PRKG1: variants seen among roughly 807,000 people sequenced by gnomAD.
The protein encoded by PRKG1 is cGMP-dependent protein kinase 1.
PRKG1 carries 35 observed loss-of-function variants against 88.1 expected under a neutral mutation model. The observed-to-expected ratio is 0.40, with a 90% CI of 0.30 to 0.53. The LOEUF is 0.53. Ranked by LOEUF, PRKG1 falls within the 20% of genes least tolerant of loss-of-function variation. PRKG1 has a pLI of 0.59. For synonymous variants in PRKG1, 303 were observed against 292.5 expected (o/e 1.04, Z -0.37); for missense variants, 540 against 839.8 (o/e 0.64, Z 4.41).
At chr10:52,128,492 GGATACA>G in intron 7 of PRKG1, 1 of 985,302 alleles carries the variant, frequency 1.0e-6, no homozygotes, top group South Asian at 4.7e-5. Flanking sequence ...CGCCACTTTG[GGATACA>G]GCGATGATGA....
At chr10:51,114,324 ATTTTGTTTTG>A (rs753031426) in intron 1 of PRKG1, among the ~76,000 whole-genome samples, 12 of 152,052 alleles carry the variant, frequency 7.9e-5, no homozygotes, top group African/African-American at 2.2e-4. Flanking sequence ...TCATTGATAT[ATTTTGTTTTG>A]TTTTGTTTTG....
intron 9 of PRKG1, among the ~76,000 whole-genome samples, chr10:52,196,731 C>T (rs1177236595): frequency 6.6e-6 from 1 of 151,964 alleles, no homozygotes; most frequent in African/African-American, 2.4e-5. Context: ...CAGATAGGAT[C>T]TATTAGAAGT....
chr10:51,972,015 T>A (rs1843724409), intron 5 of PRKG1, among the ~76,000 whole-genome samples: 1 of 152,154 alleles, frequency 6.6e-6, no homozygotes, highest in African/African-American at 2.4e-5. Flanking sequence ...CTACAGATTC[T>A]TTCAAAGCTT....
intron 3 of PRKG1, among the ~76,000 whole-genome samples, chr10:51,757,129 G>A (rs190453066): frequency 6.6e-6 from 1 of 151,656 alleles, no homozygotes; most frequent in Non-Finnish European, 1.5e-5. Flanking sequence ...TTGAGACAGG[G>A]TCTTACTCTG....
chr10:51,696,923 A>G (rs1841308541), intron 3 of PRKG1: 2 of 152,232 alleles, frequency 1.3e-5, no homozygotes, highest in African/African-American at 4.8e-5. Flanking sequence ...AGAAATAGGA[A>G]GGTATTGAGA....
intron 1 of PRKG1, among the ~76,000 whole-genome samples, chr10:51,052,709 A>G (rs1318466251): frequency 6.6e-6 from 1 of 152,204 alleles, no homozygotes; most frequent in African/African-American, 2.4e-5. Flanking sequence ...TTATCATTGA[A>G]TGCTTCATCA....
intron 5 of PRKG1, among the ~76,000 whole-genome samples, chr10:51,956,442 A>G (rs897039601): frequency 1.3e-5 from 2 of 152,014 alleles, no homozygotes; most frequent in Non-Finnish European, 2.9e-5. Context: ...ACAATTTGAA[A>G]TAAGAAGCAA....
intron 7 of PRKG1, 34 bp downstream of exon 7, chr10:52,062,665 T>A (rs1846265441): frequency 6.7e-7 from 1 of 1,492,910 alleles, no homozygotes; most frequent in South Asian, 1.2e-5. Flanking sequence ...GGTTTTTGTT[T>A]GAGTGCTACA....
At chr10:51,931,198 C>T (rs756141421) in intron 5 of PRKG1, among the ~76,000 whole-genome samples, 2 of 152,114 alleles carry the variant, frequency 1.3e-5, no homozygotes, top group Non-Finnish European at 2.9e-5. Context: ...AACTAATTGT[C>T]CTGGATTGAA....
At chr10:51,752,118 A>T (rs1220014003) in intron 3 of PRKG1, among the ~76,000 whole-genome samples, 2 of 152,004 alleles carry the variant, frequency 1.3e-5, no homozygotes, top group African/African-American at 2.4e-5. Flanking sequence ...TGCATTTTCC[A>T]TATCATTTGC....
chr10:51,081,356 G>A (rs1844106099), intron 1 of PRKG1, among the ~76,000 whole-genome samples: 1 of 152,200 alleles, frequency 6.6e-6, no homozygotes, highest in Non-Finnish European at 1.5e-5. Flanking sequence ...GTAAATAGGT[G>A]ACAAGACTGG....
rs141603726 is a variant in PRKG1, at chr10:52,245,156, CAT to C, written c.1077-6412_1077-6411del. 1.5e-4 allele frequency among the ~76,000 whole-genome samples: 23 copies of C among 151,748 alleles called. No individual in the cohort carries two copies. In the East Asian group the frequency reaches 4.5e-3, roughly 29 times the overall value. The stretch of plus-strand genomic sequence containing the variant: ...GGCCAGCATTATATTTTGGATATAT[CAT>C]AGACCAGATCTATATATTTTGGGCT... On this transcript the variant is annotated intron_variant, in intron 9 of 17. Transcript: ENST00000373980.
chr10:52,178,797 TG>T (rs1201782003), intron 9 of PRKG1, among the ~76,000 whole-genome samples: 2 of 152,176 alleles, frequency 1.3e-5, no homozygotes, highest in Admixed American at 1.3e-4. Context: ...TTTTGTCTGA[TG>T]TAACTATAGC....
intron 5 of PRKG1, among the ~76,000 whole-genome samples, chr10:51,982,926 G>A (rs561590789): frequency 6.6e-6 from 1 of 152,276 alleles, no homozygotes; most frequent in East Asian, 1.9e-4. Context: ...TGGCTCAAGG[G>A]GGAGGGCAGG....
chr10:51,575,662 T>C (rs1409378323), intron 3 of PRKG1, among the ~76,000 whole-genome samples: 1 of 151,932 alleles, frequency 6.6e-6, no homozygotes, highest in Non-Finnish European at 1.5e-5. Context: ...TAAGTTTATA[T>C]ACATGTGTAT....
chr10:52,031,934 G>GA (rs1421074479), intron 5 of PRKG1, among the ~76,000 whole-genome samples: 1 of 152,128 alleles, frequency 6.6e-6, no homozygotes, highest in African/African-American at 2.4e-5. Flanking sequence ...GCCCACAAGG[G>GA]AAAAGGCATC....
At chr10:51,324,006 A>T (rs899238889) in intron 2 of PRKG1, among the ~76,000 whole-genome samples, 1 of 152,212 alleles carries the variant, frequency 6.6e-6, no homozygotes, top group African/African-American at 2.4e-5. Context: ...TTTGGGATGC[A>T]TGTGATACTT....
chr10:51,970,972 T>C (rs575234759), intron 5 of PRKG1, among the ~76,000 whole-genome samples: 92 of 151,690 alleles, frequency 6.1e-4, no homozygotes, highest in African/African-American at 2.1e-3. Flanking sequence ...ACTACTAGAA[T>C]GGCTAGACAA....
intron 4 of PRKG1, among the ~76,000 whole-genome samples, chr10:51,807,092 T>C (rs1050533163): frequency 2.0e-5 from 3 of 152,226 alleles, no homozygotes; most frequent in African/African-American, 7.2e-5. Flanking sequence ...TTCTAGACTA[T>C]AAGCTGTTTA....
Sources: allele counts gnomAD v4.1 joint callset (sites outside exome capture counted in the v4.1 genomes callset), GRCh38; gene constraint gnomAD v4.1.1; transcripts MANE v1.5; gene names NCBI Gene and HGNC (gene_info 2026-07-23, HGNC 2026-07-21).